Variants in TEX14 observed in about 807,000 individuals in gnomAD.
TEX14 encodes testis expressed 14, intercellular bridge forming factor.
A neutral mutation model predicts 178.6 loss-of-function variants in TEX14; 168 were observed. The observed-to-expected ratio is 0.94, with a 90% CI of 0.83 to 1.07. The LOEUF is 1.07. Among genes scored for constraint, TEX14 ranks in the 50% least tolerant of loss-of-function variants. The probability of loss-of-function intolerance (pLI) is 0.00; values close to 1 mark genes in which losing one functional copy is unlikely to be tolerated. For synonymous variants in TEX14, 626 were observed against 634.1 expected, an observed-to-expected ratio of 0.99 and a Z score of 0.19; for missense variants, 1,730 against 1,753.6, an observed-to-expected ratio of 0.99 and a Z score of 0.24.
At chr17:58,629,919 T>TTTC (rs1567746136) in intron 3 of TEX14, among the ~76,000 whole-genome samples, 4 of 141,130 alleles carry the variant, frequency 2.8e-5, no homozygotes, top group African/African-American at 7.6e-5. Flanking sequence ...TTTTTTTTCC[T>TTTC]TTTTTTTTTT....
intron 3 of TEX14, among the ~76,000 whole-genome samples, chr17:58,628,014 A>C (rs1004868958): frequency 7.1e-6 from 1 of 140,658 alleles, no homozygotes; most frequent in Non-Finnish European, 1.5e-5. Context: ...CTCACCTCCC[A>C]AATTGCTGGG....
Position 58,574,197 on chromosome 17 carries a change from C to CTT in TEX14, c.3371_3372dup (p.Glu1125LysfsTer7). On this transcript the variant is annotated frameshift_variant, in exon 22 of 32. Coordinates refer to ENST00000349033, the MANE Select transcript of TEX14 (RefSeq NM_031272.5). LOFTEE classifies it high-confidence loss of function. ...CTTTGGTGATCATACATGTCTTTCT[C>CTT]TTTCAGTTCCTTTGGTGACTCCTTT... is the stretch of plus-strand genomic sequence containing the variant. The CTT allele has an allele frequency of 6.2e-7, 1 of 1,613,284 alleles. No homozygotes were observed. Among genetic ancestry groups the CTT allele is most frequent in the Non-Finnish European group, 8.5e-7 (1 of 1,179,300 alleles).
At chr17:58,632,860 A>G (rs1254003706) in intron 2 of TEX14, among the ~76,000 whole-genome samples, 1 of 152,202 alleles carries the variant, frequency 6.6e-6, no homozygotes, top group Non-Finnish European at 1.5e-5. Flanking sequence ...TACTCGACCA[A>G]TGAGGAACTG....
chr17:58,604,390 G>T (rs944450694), intron 11 of TEX14, among the ~76,000 whole-genome samples: 8 of 151,150 alleles, frequency 5.3e-5, no homozygotes, highest in African/African-American at 1.7e-4. Context: ...AGAATCGCTT[G>T]GACCCGGGAG....
In TEX14 at chr17:58,577,466, T is replaced by C. The variant is rs750990046; in HGVS notation, c.3239-10A>G. The C allele has an allele frequency of 1.3e-5, 16 of 1,213,422 alleles. No individual in the cohort carries two copies. Among genetic ancestry groups the C allele is most frequent in the Non-Finnish European group, 1.0e-5 (9 of 888,144 alleles). The allele number at this position is 1,213,422 out of a possible 1,614,324, so 75.2% of individuals were successfully genotyped here. A position where few individuals can be genotyped will look rare whatever the true frequency, so the allele number is the denominator to read the frequency against. Reference sequence around the variant, plus strand: ...TGGAACTTTTCCTCACCTGAAAGAATAAAGTTAAAAATATATATATATATT... The same window carrying C: ...TGGAACTTTTCCTCACCTGAAAGAACAAAGTTAAAAATATATATATATATT... On this transcript the variant is annotated splice_polypyrimidine_tract_variant and intron_variant, in intron 20 of 31. Transcript: ENST00000349033.
chr17:58,577,012 T>C (rs542011852), intron 21 of TEX14, among the ~76,000 whole-genome samples: 3 of 152,338 alleles, frequency 2.0e-5, no homozygotes, highest in South Asian at 4.1e-4. Context: ...TGTGTAAATG[T>C]AAATTTTCAT....
In TEX14 at chr17:58,640,612, A is replaced by AGTGTGTGTGTGTGT. The variant is rs33931543; in HGVS notation, c.137-10072_137-10059dup. On this transcript the variant is annotated intron_variant, in intron 2 of 31. Transcript: ENST00000349033. The stretch of plus-strand genomic sequence containing the variant: ...TACTCACATGCAGAGCTTACCTTCT[A>AGTGTGTGTGTGTGT]GTGTGTGTGTGTGTGTGTGTGTGTG... Among the ~76,000 whole-genome samples the AGTGTGTGTGTGTGT allele has an allele frequency of 7.3e-3, 1,053 of 143,908 alleles. 8 individuals are homozygous for AGTGTGTGTGTGTGT. Among genetic ancestry groups the AGTGTGTGTGTGTGT allele is most frequent in the Middle Eastern group, 0.014 (4 of 276 alleles). The allele number at this position is 143,908 out of a possible 152,430, so 94.4% of individuals were successfully genotyped here. A position where few individuals can be genotyped will look rare whatever the true frequency, so the allele number is the denominator to read the frequency against.
intron 19 of TEX14, among the ~76,000 whole-genome samples, chr17:58,583,076 T>A (rs2044863663): frequency 6.6e-6 from 1 of 151,272 alleles, no homozygotes; most frequent in Non-Finnish European, 1.5e-5. Flanking sequence ...GCTCAAGCGA[T>A]CCTCCTGCCT....
At chr17:58,582,171 T>C (rs2044837492) in intron 19 of TEX14, among the ~76,000 whole-genome samples, 1 of 152,150 alleles carries the variant, frequency 6.6e-6, no homozygotes, top group South Asian at 2.1e-4. Context: ...TTGAGTATTA[T>C]AGGTTAAAGG....
chr17:58,688,200 A>G (rs2047634440), intron 1 of TEX14, among the ~76,000 whole-genome samples: 1 of 151,974 alleles, frequency 6.6e-6, no homozygotes, highest in South Asian at 2.1e-4. Flanking sequence ...GGCTCACTGC[A>G]ATCTCTGCCT....
At position 58,588,035 on chromosome 17, in the gene TEX14, G is replaced by A. The variant is rs762308326; in HGVS notation, c.2577-14C>T. On this transcript the variant is annotated splice_polypyrimidine_tract_variant and intron_variant, in intron 15 of 31. Transcript: ENST00000349033. ...GGTCTTCCCTGGCTAAGAAATGAAA[G>A]GACTGAGCTATAAGATCTCTAAGAG... 2.6e-5 allele frequency: 24 copies of A among 926,206 alleles called. No homozygotes were observed. The Admixed American group carries it at 4.1e-4, about 16-fold the overall frequency. The allele number at this position is 926,206 out of a possible 1,614,324, so 57.4% of individuals were successfully genotyped here.
At chr17:58,571,228 T>C (rs1203334605) in intron 24 of TEX14, among the ~76,000 whole-genome samples, 1 of 110,386 alleles carries the variant, frequency 9.1e-6, no homozygotes, top group African/African-American at 3.4e-5. Context: ...ACTTGTACTT[T>C]TCTTTTCTTT....
In TEX14 at chr17:58,569,049, G is replaced by C. The variant is rs1598345239; in HGVS notation, c.3886+143C>G. ...CAAAACTGCCCCTTCCTAAATTTTG[G>C]AAAACTGCCCCTTCCTATATTCAAC... On this transcript the variant is annotated intron_variant, in intron 26 of 31. Transcript: ENST00000349033. This position sits in a 1 kb window ranked among gnomAD's most constrained non-coding sequence, Gnocchi z 4.1. 3.4e-6 allele frequency: 2 copies of C among 594,414 alleles called. No homozygotes were observed. The highest frequency in any genetic ancestry group is 2.7e-6 in the Non-Finnish European group (1 of 366,748). The allele number at this position is 594,414 out of a possible 1,614,324, so 36.8% of individuals were successfully genotyped here. A position where few individuals can be genotyped will look rare whatever the true frequency, so the allele number is the denominator to read the frequency against.
At chr17:58,606,131 A>C (rs1377265515) in intron 10 of TEX14, among the ~76,000 whole-genome samples, 2 of 152,162 alleles carry the variant, frequency 1.3e-5, no homozygotes, top group Non-Finnish European at 2.9e-5. Context: ...CATATGCTTA[A>C]ATAACTCTTC....
intron 20 of TEX14, 54 bp from the exon 21 acceptor site, chr17:58,577,510 G>A: frequency 1.6e-6 from 1 of 612,132 alleles, no homozygotes; most frequent in South Asian, 4.1e-5. Flanking sequence ...CTGAATCTTT[G>A]TCAACCCAAA....
chr17:58,637,180 C>T (rs1464627460), intron 2 of TEX14, among the ~76,000 whole-genome samples: 1 of 152,052 alleles, frequency 6.6e-6, no homozygotes, highest in Non-Finnish European at 1.5e-5. Flanking sequence ...GTGAGCGTGC[C>T]ATTGCACTCC....
In TEX14 at chr17:58,569,133, G is replaced by C; in HGVS notation, c.3886+59C>G. ...ACACTTGAGACAAAGACACCATACTGTGGTCAGTGACATAACTAACAGGGC... is the reference window on the plus strand; with the variant it reads ...ACACTTGAGACAAAGACACCATACTCTGGTCAGTGACATAACTAACAGGGC... On this transcript the variant is annotated intron_variant, in intron 26 of 31. Transcript: ENST00000349033. The surrounding 1 kb of genome is among the most constrained non-coding windows in gnomAD (Gnocchi z 4.1). 1 of 1,353,832 alleles carries C rather than the reference G, an allele frequency of 7.4e-7. No homozygotes were observed. The highest frequency in any genetic ancestry group is 2.3e-5 in the East Asian group (1 of 43,334). The allele number at this position is 1,353,832 out of a possible 1,614,324, so 83.9% of individuals were successfully genotyped here.
Position 58,622,435 on chromosome 17 carries a change from C to T in TEX14, c.417+412G>A, listed in dbSNP as rs1368265733. Reference sequence around the variant, plus strand: ...CACTCCAGCCTGGGCAAGACTCCTTCCCAAAAAAAAAAAAAAAATTCCCAC... The same window carrying T: ...CACTCCAGCCTGGGCAAGACTCCTTTCCAAAAAAAAAAAAAAAATTCCCAC... On this transcript the variant is annotated intron_variant, in intron 4 of 31. Transcript: ENST00000349033. Among the ~76,000 whole-genome samples, 4 of 149,368 alleles carry T rather than the reference C, an allele frequency of 2.7e-5. No homozygotes were observed. In the East Asian group the frequency reaches 5.8e-4, roughly 22 times the overall value.
At chr17:58,669,733 C>CAA (rs71367615) in intron 1 of TEX14, among the ~76,000 whole-genome samples, 619 of 53,584 alleles carry the variant, frequency 0.012, 5 homozygotes, top group Middle Eastern at 0.015. Context: ...GACTCCGTCT[C>CAA]AAAAAAAAAA....
Sources: gnomAD v4.1 joint callset for allele counts (sites outside exome capture counted in the v4.1 genomes callset) on GRCh38, gnomAD v4.1.1 for gene constraint, Gnocchi (gnomAD v3.1) non-coding constraint, MANE v1.5 for transcripts, NCBI Gene and HGNC (gene_info 2026-07-23, HGNC 2026-07-21) for gene names.